The following ARHGAP28 variants were observed in gnomAD, a reference collection of about 807,000 sequenced individuals.
ARHGAP28 encodes the protein rho GTPase-activating protein 28.
A neutral mutation model predicts 90.7 loss-of-function variants in ARHGAP28; 56 were observed. The observed-to-expected ratio is 0.62, with a 90% CI of 0.50 to 0.77. ARHGAP28 has a LOEUF of 0.77. Ranked by LOEUF, ARHGAP28 falls within the 30% of genes least tolerant of loss-of-function variation. The pLI is 0.00. For missense variants in ARHGAP28, 869 were observed against 900.9 expected, an observed-to-expected ratio of 0.96 and a Z score of 0.45; for synonymous variants, 308 against 323.3, an observed-to-expected ratio of 0.95 and a Z score of 0.51.
chr18:6,870,540 A>G (rs374389761), intron 6 of ARHGAP28, 50 bp from the exon 7 acceptor site: 11 of 1,498,500 alleles, frequency 7.3e-6, no homozygotes, highest in Non-Finnish European at 1.0e-5. Context: ...AATAGTATTG[A>G]TTGATTAAAT....
intron 11 of ARHGAP28, among the ~76,000 whole-genome samples, chr18:6,886,845 C>A (rs1456635277): frequency 2.0e-5 from 3 of 151,966 alleles, no homozygotes; most frequent in African/African-American, 4.8e-5. Flanking sequence ...AGCTTCACTT[C>A]TATTTATAGT....
chr18:6,893,871 T>TG (rs1381131423), intron 14 of ARHGAP28, among the ~76,000 whole-genome samples: 8 of 148,948 alleles, frequency 5.4e-5, no homozygotes, highest in Admixed American at 4.0e-4. Context: ...TTTTTGGTTT[T>TG]TTTTTTTTTT....
chr18:6,797,730 C>T (rs2056451625), intron 1 of ARHGAP28, among the ~76,000 whole-genome samples: 1 of 151,772 alleles, frequency 6.6e-6, no homozygotes, highest in South Asian at 2.1e-4. Flanking sequence ...AACGCGATCT[C>T]GCCTCACTGC....
chr18:6,914,884 G>A lies in ARHGAP28; in HGVS notation c.*2730G>A, dbSNP rs769578934. 6.6e-6 allele frequency: 1 copy of A among 152,514 alleles called. No individual in the cohort carries two copies. The highest frequency in any genetic ancestry group is 1.5e-5 in the Non-Finnish European group (1 of 68,010). 9.4% of individuals were successfully genotyped at this position (152,514 alleles called of 1,614,324 possible). ...TGTTAAGCAGCTCACTTGGAAATAT[G>A]ATTCTTGGAGTCAATGATCTCTAAA... On this transcript the variant is annotated 3_prime_UTR_variant, in exon 18 of 18. Transcript: ENST00000383472.
intron 3 of ARHGAP28, chr18:6,850,728 A>T: frequency 2.4e-6 from 3 of 1,268,452 alleles, no homozygotes; most frequent in Non-Finnish European, 1.1e-6. Flanking sequence ...TAGTTAGAAC[A>T]TACCATCTTG....
rs534711349 is a variant in ARHGAP28 at position 6,887,632 on chromosome 18, A to G, written c.1536+393A>G. Reference sequence around the variant, plus strand: ...GAGGCAGGGTTTTGCCATGTTGCTCAGGCTGGTCTCCAACTCCAGGGCTCA... The same window carrying G: ...GAGGCAGGGTTTTGCCATGTTGCTCGGGCTGGTCTCCAACTCCAGGGCTCA... On this transcript the variant is annotated intron_variant, in intron 12 of 17. Transcript: ENST00000383472. Among the ~76,000 whole-genome samples, 4 of 152,210 alleles carry G rather than the reference A, an allele frequency of 2.6e-5. No homozygotes were observed. In the East Asian group the frequency reaches 7.8e-4, roughly 30 times the overall value.
intron 1 of ARHGAP28, among the ~76,000 whole-genome samples, chr18:6,763,932 G>A (rs1252447070): frequency 2.6e-5 from 4 of 152,068 alleles, no homozygotes; most frequent in Non-Finnish European, 5.9e-5. Flanking sequence ...TATTAAAGCA[G>A]AGAAATAATT....
rs150436287 is a variant in ARHGAP28, at chr18:6,870,861, C to T, written c.954+129C>T. 2.1e-3 allele frequency: 2,034 copies of T among 963,556 alleles called. 17 individuals carry two copies. The highest frequency in any genetic ancestry group is 0.019 in the African/African-American group (1,127 of 59,292). 59.7% of individuals were successfully genotyped at this position (963,556 alleles called of 1,614,324 possible). A position where few individuals can be genotyped will look rare whatever the true frequency, so the allele number is the denominator to read the frequency against. ...ATTGCCCCAGGCTGGAGTGCAGTGG[C>T]GCGATCTCGGCTCACTGCAAGCTCT... On this transcript the variant is annotated intron_variant, in intron 7 of 17. Coordinates refer to ENST00000383472, the MANE Select transcript of ARHGAP28 (RefSeq NM_001366230.1).
At position 6,782,748 on chromosome 18, in the gene ARHGAP28, C is replaced by T. The variant is rs2056335784; in HGVS notation, c.123-42014C>T. Among the ~76,000 whole-genome samples the T allele has an allele frequency of 2.0e-5, 3 of 150,290 alleles. No homozygotes were observed. The South Asian group carries it at 6.3e-4, about 32-fold the overall frequency. ...TACAGGCGTGAGCCACCACACCCAG[C>T]CAAGAGATTAATTATATATCATATT... On this transcript the variant is annotated intron_variant, in intron 1 of 17. Coordinates refer to ENST00000383472, the MANE Select transcript of ARHGAP28 (RefSeq NM_001366230.1).
chr18:6,779,518 T>C (rs567589560), intron 1 of ARHGAP28, among the ~76,000 whole-genome samples: 2 of 152,334 alleles, frequency 1.3e-5, no homozygotes, highest in African/African-American at 4.8e-5. Flanking sequence ...TATTAGAGGC[T>C]TTCCATTTTG....
intron 1 of ARHGAP28, among the ~76,000 whole-genome samples, chr18:6,800,511 A>G (rs1017765865): frequency 6.6e-6 from 1 of 152,246 alleles, no homozygotes; most frequent in African/African-American, 2.4e-5. Context: ...CATATACACC[A>G]TGGAATACTA....
chr18:6,733,313 T>C (rs987930468), intron 1 of ARHGAP28, among the ~76,000 whole-genome samples: 2 of 152,220 alleles, frequency 1.3e-5, no homozygotes, highest in African/African-American at 4.8e-5. Context: ...TGTCCTGTTC[T>C]GTTTTTGCTC....
intron 11 of ARHGAP28, among the ~76,000 whole-genome samples, chr18:6,886,739 C>T (rs113674652): frequency 6.2e-4 from 94 of 152,262 alleles, no homozygotes; most frequent in African/African-American, 2.2e-3. Context: ...AATAGTAGTC[C>T]AGGTTTGAAA....
chr18:6,857,811 G>C (rs1378261932), intron 4 of ARHGAP28, among the ~76,000 whole-genome samples: 8 of 152,246 alleles, frequency 5.3e-5, no homozygotes, highest in African/African-American at 1.9e-4. Flanking sequence ...CAGAGGCATA[G>C]AGCTGGACTT....
At chr18:6,846,760 T>G (rs1600241945) in intron 3 of ARHGAP28, among the ~76,000 whole-genome samples, 1 of 152,290 alleles carries the variant, frequency 6.6e-6, no homozygotes, top group Non-Finnish European at 1.5e-5. Context: ...TCTGTGAGCC[T>G]TATGTCCCAC....
intron 3 of ARHGAP28, among the ~76,000 whole-genome samples, chr18:6,843,055 G>A (rs1420348182): frequency 6.6e-6 from 1 of 152,160 alleles, no homozygotes; most frequent in Non-Finnish European, 1.5e-5. Flanking sequence ...CTGAAGAACT[G>A]TAATTTATTT....
intron 1 of ARHGAP28, among the ~76,000 whole-genome samples, chr18:6,771,528 G>A (rs2056242910): frequency 6.6e-6 from 1 of 152,174 alleles, no homozygotes; most frequent in Admixed American, 6.5e-5. Flanking sequence ...TGTTCCACAT[G>A]ATCTTTTGAG....
At chr18:6,791,986 G>A (rs181511326) in intron 1 of ARHGAP28, among the ~76,000 whole-genome samples, 9 of 151,964 alleles carry the variant, frequency 5.9e-5, no homozygotes, top group East Asian at 1.9e-4. Context: ...TTTAGTAGAC[G>A]AGGTTTCACC....
At chr18:6,779,536 C>T (rs2056308615) in intron 1 of ARHGAP28, among the ~76,000 whole-genome samples, 1 of 152,188 alleles carries the variant, frequency 6.6e-6, no homozygotes, top group African/African-American at 2.4e-5. Context: ...TTGATTTCAT[C>T]AGAATTCTAC....
Sources: allele counts gnomAD v4.1 joint callset (sites outside exome capture counted in the v4.1 genomes callset), GRCh38; gene constraint gnomAD v4.1.1; transcripts MANE v1.5; gene names NCBI Gene and HGNC (gene_info 2026-07-23, HGNC 2026-07-21).